Variants in SORCS2 observed in about 807,000 individuals in gnomAD.
The protein encoded by SORCS2 is sortilin related VPS10 domain containing receptor 2, also known as VPS10 domain-containing receptor SorCS2.
SORCS2 carries 100 observed loss-of-function variants against 141.6 expected under a neutral mutation model. That is an observed-to-expected ratio of 0.71 (90% CI 0.60 to 0.83). The LOEUF (loss-of-function observed/expected upper bound fraction) is 0.83. Among genes scored for constraint, SORCS2 ranks in the 40% least tolerant of loss-of-function variants. The pLI is 0.00. For missense variants in SORCS2, 1,646 were observed against 1,560.2 expected (o/e 1.05, Z -0.93); for synonymous variants, 789 against 676.9 (o/e 1.17, Z -2.57).
chr4:7,462,709 G>C (rs1729384928), intron 2 of SORCS2, among the ~76,000 whole-genome samples: 1 of 151,722 alleles, frequency 6.6e-6, no homozygotes, highest in Admixed American at 6.6e-5. Context: ...CGCAGGAGGA[G>C]CTAAGTGAAT....
At position 7,311,899 on chromosome 4, in the gene SORCS2, C is replaced by T. The variant is rs1220110849; in HGVS notation, c.481-84389C>T. On this transcript the variant is annotated intron_variant, in intron 1 of 26. Transcript: ENST00000507866. ...TATTTTTATTATTTTTATTTTGAGA[C>T]GGAGCCTCACTCTGTTGCCAGGCTG... 4.6e-5 allele frequency among the ~76,000 whole-genome samples: 7 copies of T among 151,710 alleles called. No homozygotes were observed. The East Asian group carries it at 5.8e-4, about 13-fold the overall frequency.
intron 2 of SORCS2, among the ~76,000 whole-genome samples, chr4:7,454,570 A>G (rs1156394093): frequency 7.3e-4 from 31 of 42,400 alleles, no homozygotes; most frequent in South Asian, 1.9e-3. Context: ...TGGGGTCAGG[A>G]GCTGTGTGTT....
intron 1 of SORCS2, among the ~76,000 whole-genome samples, chr4:7,221,879 G>A (rs865888607): frequency 7.9e-5 from 12 of 152,140 alleles, no homozygotes; most frequent in Non-Finnish European, 1.2e-4. Context: ...GGAGGCACTG[G>A]TTCAATATGG....
intron 2 of SORCS2, chr4:7,434,727 C>T (rs1727174108): frequency 1.2e-6 from 2 of 1,613,044 alleles, no homozygotes; most frequent in Non-Finnish European, 1.7e-6. Flanking sequence ...TCCATACGGC[C>T]CCTTGGCAGT....
intron 2 of SORCS2, among the ~76,000 whole-genome samples, chr4:7,522,680 C>G (rs1733405275): frequency 6.7e-6 from 1 of 148,308 alleles, no homozygotes; most frequent in Non-Finnish European, 1.5e-5. Context: ...CCCTTTCTTC[C>G]CTCTTCTTCC....
At chr4:7,223,319 T>TCA in intron 1 of SORCS2, among the ~76,000 whole-genome samples, 1 of 142,046 alleles carries the variant, frequency 7.0e-6, no homozygotes, top group East Asian at 2.0e-4. Context: ...ACACACACAC[T>TCA]CACACACAGA....
At chr4:7,451,069 AGAGT>A (rs985640709) in intron 2 of SORCS2, among the ~76,000 whole-genome samples, 48 of 152,024 alleles carry the variant, frequency 3.2e-4, no homozygotes, top group African/African-American at 1.1e-3. Context: ...AATGGATGGG[AGAGT>A]GAGTGAATGC....
intron 3 of SORCS2, among the ~76,000 whole-genome samples, chr4:7,612,282 GC>G (rs1718457168): frequency 6.6e-6 from 1 of 152,184 alleles, no homozygotes; most frequent in African/African-American, 2.4e-5. Flanking sequence ...AAGGACGGTG[GC>G]TTGGGTCTGG....
At chr4:7,704,651 G>A (rs865834374) in intron 14 of SORCS2, among the ~76,000 whole-genome samples, 5 of 152,242 alleles carry the variant, frequency 3.3e-5, no homozygotes, top group Admixed American at 6.5e-5. Context: ...GCCCTGCCCG[G>A]CTTCCTTCTG....
intron 2 of SORCS2, among the ~76,000 whole-genome samples, chr4:7,486,528 T>C (rs1730997873): frequency 6.6e-6 from 1 of 152,192 alleles, no homozygotes; most frequent in African/African-American, 2.4e-5. Context: ...TATCTCCTTG[T>C]ACCCCAGCTG....
chr4:7,429,408 G>A (rs899722997), intron 2 of SORCS2, among the ~76,000 whole-genome samples: 1 of 152,256 alleles, frequency 6.6e-6, no homozygotes, highest in Admixed American at 6.5e-5. Context: ...GGCATTTGGT[G>A]AGGAAGACAT....
At chr4:7,383,501 G>A (rs1445128539) in intron 1 of SORCS2, among the ~76,000 whole-genome samples, 1 of 152,204 alleles carries the variant, frequency 6.6e-6, no homozygotes, top group Non-Finnish European at 1.5e-5. Flanking sequence ...TGTCTGGCTG[G>A]GCACCAGCAG....
At chr4:7,263,895 C>G (rs906342913) in intron 1 of SORCS2, among the ~76,000 whole-genome samples, 1 of 152,206 alleles carries the variant, frequency 6.6e-6, no homozygotes, top group African/African-American at 2.4e-5. Flanking sequence ...GCGTCTCGTT[C>G]CCACCGTGGG....
intron 3 of SORCS2, among the ~76,000 whole-genome samples, chr4:7,595,288 C>T (rs1443727872): frequency 3.9e-5 from 6 of 152,220 alleles, no homozygotes; most frequent in African/African-American, 1.2e-4. Context: ...GTGCCACCCT[C>T]GAAGCACATC....
At position 7,531,431 on chromosome 4, in the gene SORCS2, G is replaced by A. The variant is rs994648383; in HGVS notation, c.549-99G>A. ...TGTACTCAGGGTGTCTGGGGCACTC[G>A]GCCCGCACGGGCACAGGGCAGGGGC... On this transcript the variant is annotated intron_variant, in intron 2 of 26. Transcript: ENST00000507866. The A allele has an allele frequency of 7.2e-5, 81 of 1,121,120 alleles. No individual in the cohort carries two copies. In the Admixed American group the frequency reaches 7.5e-4, roughly 10 times the overall value. The allele number at this position is 1,121,120 out of a possible 1,614,324, so 69.4% of individuals were successfully genotyped here. A position where few individuals can be genotyped will look rare whatever the true frequency, so the allele number is the denominator to read the frequency against.
At chr4:7,297,666 T>A (rs1178758895) in intron 1 of SORCS2, among the ~76,000 whole-genome samples, 1 of 152,214 alleles carries the variant, frequency 6.6e-6, no homozygotes, top group Non-Finnish European at 1.5e-5. Context: ...AGAACCGTGC[T>A]CTATGGTTCC....
intron 2 of SORCS2, among the ~76,000 whole-genome samples, chr4:7,461,705 A>G (rs540409784): frequency 1.6e-4 from 24 of 152,324 alleles, no homozygotes; most frequent in Admixed American, 1.3e-3. Context: ...GTCTGCAGCC[A>G]TCCTCAGGAT....
At chr4:7,412,232 C>A (rs563217674) in intron 2 of SORCS2, among the ~76,000 whole-genome samples, 10 of 152,340 alleles carry the variant, frequency 6.6e-5, no homozygotes, top group African/African-American at 2.2e-4. Context: ...CCTTTCCTCC[C>A]CTGCATCCTG....
intron 3 of SORCS2, among the ~76,000 whole-genome samples, chr4:7,599,842 G>A (rs1243590099): frequency 7.2e-6 from 1 of 139,196 alleles, no homozygotes; most frequent in Admixed American, 7.2e-5. Flanking sequence ...TTTTTTTATT[G>A]AGACAGAGTC....
Sources: gnomAD v4.1 joint callset for allele counts (sites outside exome capture counted in the v4.1 genomes callset) on GRCh38, gnomAD v4.1.1 for gene constraint, MANE v1.5 for transcripts, NCBI Gene and HGNC (gene_info 2026-07-23, HGNC 2026-07-21) for gene names.